Variants in WDFY4 observed in about 807,000 individuals in gnomAD.
The protein encoded by WDFY4 is WDFY family member 4.
WDFY4 carries 169 observed loss-of-function variants against 351.9 expected under a neutral mutation model. That is an observed-to-expected ratio of 0.48 (90% CI 0.42 to 0.55). WDFY4 has a LOEUF of 0.55. Ranked by LOEUF, WDFY4 falls within the 20% of genes least tolerant of loss-of-function variation. The probability of loss-of-function intolerance (pLI) is 0.00; values close to 1 mark genes in which losing one functional copy is unlikely to be tolerated. For synonymous variants in WDFY4, 1,622 were observed against 1,574.6 expected, an observed-to-expected ratio of 1.03 and a Z score of -0.71; for missense variants, 3,803 against 3,935.6, an observed-to-expected ratio of 0.97 and a Z score of 0.90.
intron 28 of WDFY4, among the ~76,000 whole-genome samples, chr10:48,809,456 A>T (rs943011874): frequency 1.2e-4 from 18 of 151,858 alleles, no homozygotes; most frequent in African/African-American, 3.9e-4. Flanking sequence ...CACCATCAGC[A>T]TCTTCACCAC....
chr10:48,726,436 A>G (rs551201579), intron 6 of WDFY4, among the ~76,000 whole-genome samples: 25 of 152,354 alleles, frequency 1.6e-4, no homozygotes, highest in Admixed American at 4.6e-4. Flanking sequence ...GAAAATAAAC[A>G]TTAAGACTAG....
At chr10:48,780,922 T>G (rs1311132990) in intron 19 of WDFY4, among the ~76,000 whole-genome samples, 1 of 152,196 alleles carries the variant, frequency 6.6e-6, no homozygotes, top group African/African-American at 2.4e-5. Flanking sequence ...TTACTAATGT[T>G]TGTAAAATTT....
rs1017259279 is a variant in WDFY4, at chr10:48,890,707, T to C, written c.7296T>C (p.Cys2432=). 3.5e-5 allele frequency: 54 copies of C among 1,551,584 alleles called. No individual in the cohort carries two copies. The highest frequency in any genetic ancestry group is 4.6e-5 in the Non-Finnish European group (53 of 1,146,998). ...FTLSPTGDVY[C]TRHCLSNISD... is the part of the protein sequence containing the mutation. The stretch of plus-strand genomic sequence containing the variant: ...TGTCTCCCACGGGTGATGTCTACTG[T>C]ACCCGTCACTGCTTATCCAAGTGAG... The change falls in exon 44 of 62, where the codon TGT becomes TGC. Residue 2432 remains cysteine (C), a synonymous_variant. Coordinates refer to ENST00000325239, the MANE Select transcript of WDFY4 (RefSeq NM_001394531.1).
At chr10:48,840,368 A>G (rs1466664573) in intron 39 of WDFY4, among the ~76,000 whole-genome samples, 1 of 151,710 alleles carries the variant, frequency 6.6e-6, no homozygotes, top group African/African-American at 2.4e-5. Flanking sequence ...TGGACACTCA[A>G]CCAGAGCCTT....
At chr10:48,865,704 T>C (rs1025770575) in intron 39 of WDFY4, among the ~76,000 whole-genome samples, 2 of 152,220 alleles carry the variant, frequency 1.3e-5, no homozygotes, top group Admixed American at 6.5e-5. Context: ...GCTGGGCTTT[T>C]CTTTGTGGGT....
In WDFY4 at chr10:48,691,220, T is replaced by C. The variant is rs1285990453; in HGVS notation, c.-18+6219T>C. 2.0e-5 allele frequency among the ~76,000 whole-genome samples: 3 copies of C among 151,960 alleles called. No homozygotes were observed. In the East Asian group the frequency reaches 5.8e-4, roughly 29 times the overall value. ...GGCAGAGCTAATCAAGGGTCCGGGC[T>C]GGATGTGGGAAGTGGCAGGCTCGGT... On this transcript the variant is annotated intron_variant, in intron 1 of 61. Coordinates refer to ENST00000325239, the MANE Select transcript of WDFY4 (RefSeq NM_001394531.1).
chr10:48,845,415 C>T (rs1292716888), intron 39 of WDFY4, among the ~76,000 whole-genome samples: 3 of 152,150 alleles, frequency 2.0e-5, no homozygotes, highest in South Asian at 2.1e-4. Flanking sequence ...AGTCCCTGCC[C>T]CAGGAGGTCC....
intron 42 of WDFY4, 142 bp from the exon 43 acceptor site, chr10:48,876,890 AG>A: frequency 5.2e-6 from 4 of 767,344 alleles, no homozygotes; most frequent in Non-Finnish European, 7.6e-6. Flanking sequence ...GAAGCAGTGG[AG>A]GGGCACAGTG....
Position 48,914,013 on chromosome 10 carries a change from C to T in WDFY4, c.7586+12150C>T, listed in dbSNP as rs375635260. On this transcript the variant is annotated intron_variant, in intron 47 of 61. Transcript: ENST00000325239. ...GTCCAGCTCGTCCATGTCACTAAGGCGCAGAATACACTTGGGGAAGGTGGT... is the reference window on the plus strand; with the variant it reads ...GTCCAGCTCGTCCATGTCACTAAGGTGCAGAATACACTTGGGGAAGGTGGT... The T allele has an allele frequency of 7.6e-5, 123 of 1,614,162 alleles. No individual in the cohort carries two copies. The highest frequency in any genetic ancestry group is 6.5e-4 in the East Asian group (29 of 44,884).
chr10:48,976,834 T>C lies in WDFY4; in HGVS notation c.9146T>C (p.Leu3049Pro). The C allele has an allele frequency of 6.6e-7, 1 of 1,515,808 alleles. No homozygotes were observed. Among genetic ancestry groups the C allele is most frequent in the Non-Finnish European group, 8.9e-7 (1 of 1,127,378 alleles). 93.9% of individuals were successfully genotyped at this position (1,515,808 alleles called of 1,614,324 possible). ...TCCTGTGCGGGAGCACACTTGTCCC[T>C]GTGGAATGTCAATGGACAGCCCCTG... is the stretch of plus-strand genomic sequence containing the variant. Reference protein sequence around the residue: ...IVSCAGAHLSLWNVNGQPLAS... With the variant: ...IVSCAGAHLSPWNVNGQPLAS... The change falls in exon 59 of 62, where the codon CTG (leucine) becomes CCG (proline). Residue 3049 changes from leucine to proline, a missense_variant. Leu to Pro is a moderately conservative substitution (Grantham distance 98). Around this residue, in one of 3 missense-constraint regions of WDFY4, gnomAD observed 3,054 missense variants for 3,148.6 expected, o/e 0.97. Transcript: ENST00000325239.
At chr10:48,844,985 T>G (rs1204310463) in intron 39 of WDFY4, among the ~76,000 whole-genome samples, 1 of 151,806 alleles carries the variant, frequency 6.6e-6, no homozygotes, top group Non-Finnish European at 1.5e-5. Context: ...TCCAAGGAGG[T>G]GATAATGAGA....
chr10:48,915,312 C>T (rs1589874802), intron 47 of WDFY4, among the ~76,000 whole-genome samples: 1 of 152,236 alleles, frequency 6.6e-6, no homozygotes, highest in Middle Eastern at 3.4e-3. Flanking sequence ...GACTGAGGCT[C>T]AGAAGTGAGG....
At chr10:48,911,302 A>G (rs1837979637) in intron 47 of WDFY4, among the ~76,000 whole-genome samples, 1 of 152,214 alleles carries the variant, frequency 6.6e-6, no homozygotes, top group South Asian at 2.1e-4. Context: ...ATGCCGGGAA[A>G]TGGGTTCTCT....
rs1301252974 is a variant in WDFY4 at position 48,772,801 on chromosome 10, G to A, written c.2554-1657G>A. Among the ~76,000 whole-genome samples, 326 of 150,260 alleles carry A rather than the reference G, an allele frequency of 2.2e-3. 1 individual carries two copies. Among genetic ancestry groups the A allele is most frequent in the African/African-American group, 7.5e-3 (305 of 40,408 alleles). On this transcript the variant is annotated intron_variant, in intron 13 of 61. Transcript: ENST00000325239. ...TATGAGTGAGAATATGCGGTGTTTG[G>A]TTTTTTGTTCTTGCGATAGTTTACT...
chr10:48,893,628 T>C (rs1836924714), intron 44 of WDFY4, among the ~76,000 whole-genome samples: 1 of 152,214 alleles, frequency 6.6e-6, no homozygotes, highest in Admixed American at 6.5e-5. Context: ...AAAGAGTGAA[T>C]TAGATGTGGA....
Position 48,701,649 on chromosome 10 carries a change from G to A in WDFY4, c.-17-8067G>A, listed in dbSNP as rs565573059. 2.6e-5 allele frequency among the ~76,000 whole-genome samples: 4 copies of A among 152,306 alleles called. No homozygotes were observed. In the South Asian group the frequency reaches 8.3e-4, roughly 32 times the overall value. The stretch of plus-strand genomic sequence containing the variant: ...AGGAGCCTTGACCTGTCCCCAGCTG[G>A]TGGCATCTTGAGGAAAGAGGAAGTG... On this transcript the variant is annotated intron_variant, in intron 1 of 61. Transcript: ENST00000325239.
chr10:48,784,499 T>A (rs1341631240), intron 19 of WDFY4, among the ~76,000 whole-genome samples: 1 of 148,856 alleles, frequency 6.7e-6, no homozygotes, highest in African/African-American at 2.5e-5. Flanking sequence ...TCCATCCATA[T>A]TTTTTGCCCA....
At chr10:48,878,745 C>T (rs992709194) in intron 43 of WDFY4, 1 of 152,784 alleles carries the variant, frequency 6.5e-6, no homozygotes, top group Non-Finnish European at 1.5e-5. Context: ...CTGTGTCGCC[C>T]CCTGCATCAC....
chr10:48,938,861 C>T (rs1840574825), intron 47 of WDFY4, among the ~76,000 whole-genome samples: 1 of 152,182 alleles, frequency 6.6e-6, no homozygotes, highest in Non-Finnish European at 1.5e-5. Context: ...TAGAGGTGGA[C>T]ACCTGTCCTG....
Sources: gnomAD v4.1 joint callset for allele counts (sites outside exome capture counted in the v4.1 genomes callset) on GRCh38, gnomAD v4.1.1 for gene constraint, gnomAD v4.1.1 regional missense constraint, MANE v1.5 for transcripts, NCBI Gene and HGNC (gene_info 2026-07-23, HGNC 2026-07-21) for gene names.